Variants in PTPN14 observed in about 807,000 individuals in gnomAD.
The protein encoded by PTPN14 is tyrosine-protein phosphatase non-receptor type 14.
In PTPN14, 53 loss-of-function variants were observed where a neutral mutation model predicts 126.8. The ratio of observed to expected loss-of-function variants is 0.42; its 90% CI spans 0.34 to 0.53. The LOEUF is 0.53. Among genes scored for constraint, PTPN14 ranks in the 20% least tolerant of loss-of-function variants. The pLI is 0.08. For synonymous variants in PTPN14, 630 were observed against 599.3 expected, an observed-to-expected ratio of 1.05 and a Z score of -0.75; for missense variants, 1,257 against 1,552.9, an observed-to-expected ratio of 0.81 and a Z score of 3.20.
At chr1:214,549,088 A>G (rs1656040401) in intron 1 of PTPN14, among the ~76,000 whole-genome samples, 1 of 152,158 alleles carries the variant, frequency 6.6e-6, no homozygotes, top group Non-Finnish European at 1.5e-5. Context: ...AGGGGCTTGG[A>G]TAAACACCCA....
chr1:214,389,975 G>A (rs1422697028), intron 11 of PTPN14, among the ~76,000 whole-genome samples: 2 of 152,158 alleles, frequency 1.3e-5, no homozygotes, highest in South Asian at 2.1e-4. Flanking sequence ...GAATTACTGC[G>A]ATAATATAAT....
intron 3 of PTPN14, among the ~76,000 whole-genome samples, chr1:214,443,024 C>T (rs1467563747): frequency 1.1e-4 from 17 of 152,176 alleles, no homozygotes; most frequent in African/African-American, 3.9e-4. Context: ...GGTTTCTCCA[C>T]ATTGGTCAGA....
Position 214,378,067 on chromosome 1 carries a change from TGCCTCCAG to T in PTPN14, c.2572_2579del (p.Leu858ThrfsTer27). 6.2e-7 allele frequency: 1 copy of T among 1,612,090 alleles called. No homozygotes were observed. Among genetic ancestry groups the T allele is most frequent in the Non-Finnish European group, 8.5e-7 (1 of 1,179,908 alleles). On this transcript the variant is annotated frameshift_variant, in exon 14 of 19. Coordinates refer to ENST00000366956, the MANE Select transcript of PTPN14 (RefSeq NM_005401.5). LOFTEE classifies it high-confidence loss of function. Reference sequence around the variant, plus strand: ...CTGCCAACATCAGCGGCCTCTTCTGTGCCTCCAGGCCTGCCATCTTCTGCTTCTCTAGA... The same window carrying T: ...CTGCCAACATCAGCGGCCTCTTCTGTGCCTGCCATCTTCTGCTTCTCTAGA...
rs1658513004 is a variant in PTPN14, at chr1:214,383,186, C to T, written c.2544+125G>A. 1.6e-6 allele frequency: 2 copies of T among 1,232,454 alleles called. No homozygotes were observed. Among genetic ancestry groups the T allele is most frequent in the East Asian group, 2.4e-5 (1 of 42,268 alleles). The allele number at this position is 1,232,454 out of a possible 1,614,324, so 76.3% of individuals were successfully genotyped here. ...CAACATTTTGTGTAATAAAGTACTA[C>T]CTTTTAAATGCTCAATGATTCCTTA... is the stretch of plus-strand genomic sequence containing the variant. On this transcript the variant is annotated intron_variant, in intron 13 of 18. Transcript: ENST00000366956. The surrounding 1 kb of genome is among the most constrained non-coding windows in gnomAD (Gnocchi z 4.4).
chr1:214,499,832 T>TGTTTC (rs1654636792), intron 1 of PTPN14, among the ~76,000 whole-genome samples: 1 of 151,950 alleles, frequency 6.6e-6, no homozygotes, highest in Non-Finnish European at 1.5e-5. Context: ...TACTCAGTTT[T>TGTTTC]ATGTCTCAAA....
At chr1:214,459,473 T>TTC (rs1553268613) in intron 2 of PTPN14, among the ~76,000 whole-genome samples, 10,857 of 38,812 alleles carry the variant, frequency 0.28, 564 homozygotes, top group Non-Finnish European at 0.32. Context: ...CTTTTCTTTC[T>TTC]TTTTTTTTTT....
intron 5 of PTPN14, among the ~76,000 whole-genome samples, chr1:214,406,224 T>C (rs952904161): frequency 1.2e-4 from 18 of 152,172 alleles, no homozygotes; most frequent in African/African-American, 4.1e-4. Flanking sequence ...CAGCCTGTAA[T>C]ACCGGCACTT....
chr1:214,379,788 T>C (rs887101125), intron 13 of PTPN14, among the ~76,000 whole-genome samples: 3 of 152,238 alleles, frequency 2.0e-5, no homozygotes, highest in Admixed American at 2.0e-4. Context: ...TTGCTTCAAG[T>C]TGTCCTGCCT....
rs552832802 is a variant in PTPN14 at position 214,546,463 on chromosome 1, T to G, written c.-155+4720A>C. Among the ~76,000 whole-genome samples, 6 of 152,336 alleles carry G rather than the reference T, an allele frequency of 3.9e-5. No individual in the cohort carries two copies. In the East Asian group the frequency reaches 1.2e-3, roughly 29 times the overall value. ...TATGCATTAGGAACTGTGGCTAATT[T>G]TCAACTGTGAGTAATTTTTCCCTGT... On this transcript the variant is annotated intron_variant, in intron 1 of 18. Coordinates refer to ENST00000366956, the MANE Select transcript of PTPN14 (RefSeq NM_005401.5).
chr1:214,465,365 T>G (rs1226430911), intron 1 of PTPN14, among the ~76,000 whole-genome samples: 1 of 152,086 alleles, frequency 6.6e-6, no homozygotes, highest in Non-Finnish European at 1.5e-5. Flanking sequence ...ATCCCAGCAT[T>G]TTGGGAGGTT....
intron 2 of PTPN14, among the ~76,000 whole-genome samples, chr1:214,463,696 G>T (rs1347863148): frequency 6.6e-6 from 1 of 152,106 alleles, no homozygotes; most frequent in South Asian, 2.1e-4. Context: ...TTCTGTCATC[G>T]AGGTCCTGGG....
chr1:214,369,476 T>C lies in PTPN14; in HGVS notation c.3252A>G (p.Glu1084=), dbSNP rs1135352. The change falls in exon 17 of 19, where the codon GAA becomes GAG. Residue 1084 remains glutamate, a synonymous_variant. Coordinates refer to ENST00000366956, the MANE Select transcript of PTPN14 (RefSeq NM_005401.5). ...ACTTACATAAAAATCCTTGGACATC[T>C]TCTGGACAGCCGTGATCTGGCCAGT... is the stretch of plus-strand genomic sequence containing the variant. ...YTDWPDHGCP[E]DVQGFLSYLE... The C allele has an allele frequency of 0.78, 1,264,931 of 1,613,800 alleles. 498,283 individuals carry two copies. The highest frequency in any genetic ancestry group is 0.94 in the African/African-American group (70,196 of 75,024).
intron 8 of PTPN14, 100 bp downstream of exon 8, chr1:214,397,813 C>G: frequency 1.1e-6 from 1 of 938,204 alleles, no homozygotes; most frequent in Non-Finnish European, 1.6e-6. Flanking sequence ...CAAATCTTAT[C>G]CACAGTTTGG....
At chr1:214,403,368 T>C (rs1279589818) in intron 5 of PTPN14, among the ~76,000 whole-genome samples, 1 of 152,210 alleles carries the variant, frequency 6.6e-6, no homozygotes, top group Non-Finnish European at 1.5e-5. Context: ...GAAGGGACTG[T>C]GCCAGGCCTT....
At chr1:214,369,385 C>T in intron 17 of PTPN14, 72 bp downstream of exon 17, 1 of 1,427,444 alleles carries the variant, frequency 7.0e-7, no homozygotes, top group African/African-American at 1.4e-5. Context: ...TCCATTTCAT[C>T]TCCAACAGAT....
In PTPN14 at chr1:214,425,925, G is replaced by A. The variant is rs147728392; in HGVS notation, c.345-11199C>T. ...GGGAAACGGAGGCTCCCAGGGGGTA[G>A]GTGACTTGCCAAGTCTTCTGATTTT... On this transcript the variant is annotated intron_variant, in intron 3 of 18. Coordinates refer to ENST00000366956, the MANE Select transcript of PTPN14 (RefSeq NM_005401.5). Among the ~76,000 whole-genome samples the A allele has an allele frequency of 9.1e-3, 1,368 of 150,266 alleles. 23 individuals are homozygous for A. Among genetic ancestry groups the A allele is most frequent in the African/African-American group, 0.031 (1,287 of 40,968 alleles).
chr1:214,372,085 A>G (rs1388404805), intron 16 of PTPN14, among the ~76,000 whole-genome samples: 1 of 152,254 alleles, frequency 6.6e-6, no homozygotes. Context: ...CCCCACAAAG[A>G]CAGCAAGCTC....
In PTPN14 at chr1:214,429,123, T is replaced by TA. The variant is rs1295282839; in HGVS notation, c.345-14398dup. Among the ~76,000 whole-genome samples, 4 of 152,220 alleles carry TA rather than the reference T, an allele frequency of 2.6e-5. No individual in the cohort carries two copies. In the East Asian group the frequency reaches 7.7e-4, roughly 29 times the overall value. ...GTTCCGTATAATTTTCATGAATTCT[T>TA]AAAGGCATGACCATGCTTATAGACA... On this transcript the variant is annotated intron_variant, in intron 3 of 18. Coordinates refer to ENST00000366956, the MANE Select transcript of PTPN14 (RefSeq NM_005401.5).
At chr1:214,535,692 T>C (rs939192859) in intron 1 of PTPN14, among the ~76,000 whole-genome samples, 1 of 152,104 alleles carries the variant, frequency 6.6e-6, no homozygotes, top group South Asian at 2.1e-4. Flanking sequence ...GGCAGGAGAA[T>C]TGCTTGAACC....
Sources: allele counts gnomAD v4.1 joint callset (sites outside exome capture counted in the v4.1 genomes callset), GRCh38; gene constraint gnomAD v4.1.1; non-coding constraint Gnocchi (gnomAD v3.1); transcripts MANE v1.5; gene names NCBI Gene and HGNC (gene_info 2026-07-23, HGNC 2026-07-21).